ARMH4: variants seen among roughly 807,000 people sequenced by gnomAD.
The protein encoded by ARMH4 is armadillo like helical domain containing 4, also known as armadillo-like helical domain-containing protein 4.
In ARMH4, 49 loss-of-function variants were observed where a neutral mutation model predicts 61.9. That is an observed-to-expected ratio of 0.79 (90% CI 0.63 to 1.00). ARMH4 has a LOEUF of 1.00. ARMH4 is among the 50% of genes least tolerant of loss of function. The pLI, the probability that ARMH4 is intolerant of heterozygous loss-of-function variation, is 0.00. For synonymous variants in ARMH4, 368 were observed against 341.5 expected, an observed-to-expected ratio of 1.08 and a Z score of -0.85; for missense variants, 934 against 930.0, an observed-to-expected ratio of 1.00 and a Z score of -0.06.
chr14:58,046,082 A>C (rs1284920851), intron 5 of ARMH4, among the ~76,000 whole-genome samples: 2 of 152,186 alleles, frequency 1.3e-5, no homozygotes, highest in African/African-American at 2.4e-5. Flanking sequence ...TAAGCCACCC[A>C]GTTTATGGTC....
chr14:58,081,127 A>AAATT (rs1323799037), intron 5 of ARMH4, among the ~76,000 whole-genome samples: 2 of 152,012 alleles, frequency 1.3e-5, no homozygotes, highest in Non-Finnish European at 2.9e-5. Context: ...ATAAATAAAT[A>AAATT]AAGAGTCTCT....
chr14:58,078,889 A>G (rs1251737895), intron 5 of ARMH4, among the ~76,000 whole-genome samples: 1 of 152,234 alleles, frequency 6.6e-6, no homozygotes, highest in African/African-American at 2.4e-5. Flanking sequence ...GTTGAAACAT[A>G]GGCATATGAT....
chr14:58,143,374 G>A (rs1887628250), intron 1 of ARMH4, among the ~76,000 whole-genome samples: 1 of 152,188 alleles, frequency 6.6e-6, no homozygotes, highest in Non-Finnish European at 1.5e-5. Context: ...AATGAGACGG[G>A]TGCTAAGTTT....
At chr14:58,104,214 G>A (rs1340990141) in intron 4 of ARMH4, among the ~76,000 whole-genome samples, 3 of 152,196 alleles carry the variant, frequency 2.0e-5, no homozygotes, top group Non-Finnish European at 2.9e-5. Flanking sequence ...AAATAAAACC[G>A]AGGAGTACTC....
intron 6 of ARMH4, among the ~76,000 whole-genome samples, 196 bp from the exon 7 acceptor site, chr14:58,005,378 G>A (rs1882128402): frequency 2.0e-5 from 3 of 152,058 alleles, no homozygotes; most frequent in Admixed American, 2.0e-4. Flanking sequence ...CCTATTTTGG[G>A]GATATTTCAA....
chr14:58,067,300 G>T (rs545286645), intron 5 of ARMH4, among the ~76,000 whole-genome samples: 1 of 152,278 alleles, frequency 6.6e-6, no homozygotes, highest in South Asian at 2.1e-4. Flanking sequence ...TACTGTTCTA[G>T]AACCAAGGAG....
At chr14:58,144,559 C>A (rs1887672158) in intron 1 of ARMH4, among the ~76,000 whole-genome samples, 1 of 151,892 alleles carries the variant, frequency 6.6e-6, no homozygotes, top group Non-Finnish European at 1.5e-5. Context: ...AACAAACAGA[C>A]AACAACAACA....
At chr14:58,130,314 G>A (rs1009958750) in intron 4 of ARMH4, among the ~76,000 whole-genome samples, 1 of 152,174 alleles carries the variant, frequency 6.6e-6, no homozygotes, top group Admixed American at 6.5e-5. Flanking sequence ...CTCCTAAAAT[G>A]TCATGTTCCT....
At chr14:58,010,664 G>C (rs1375669795) in intron 6 of ARMH4, among the ~76,000 whole-genome samples, 1 of 151,938 alleles carries the variant, frequency 6.6e-6, no homozygotes, top group South Asian at 2.1e-4. Context: ...AAGGTACCAA[G>C]ATTTTGAGAC....
intron 1 of ARMH4, among the ~76,000 whole-genome samples, chr14:58,140,541 A>G (rs1887503244): frequency 6.6e-6 from 1 of 152,020 alleles, no homozygotes; most frequent in African/African-American, 2.4e-5. Context: ...AGATCATGCC[A>G]CTGCACTCCA....
intron 5 of ARMH4, among the ~76,000 whole-genome samples, chr14:58,085,451 A>G (rs561714229): frequency 3.3e-5 from 5 of 152,090 alleles, no homozygotes; most frequent in Non-Finnish European, 7.4e-5. Flanking sequence ...CAAAGAAATT[A>G]GTTCACAGCA....
rs1881999154 is a variant in ARMH4, at chr14:58,001,894, T to C, written c.*2842A>G. 1 of 152,170 alleles carries C rather than the reference T, an allele frequency of 6.6e-6. No homozygotes were observed. The highest frequency in any genetic ancestry group is 1.5e-5 in the Non-Finnish European group (1 of 68,042). The allele number at this position is 152,170 out of a possible 1,614,324, so 9.4% of individuals were successfully genotyped here. On this transcript the variant is annotated 3_prime_UTR_variant, in exon 8 of 8. Transcript: ENST00000267485. ...CCCTGCGGTGGGATGCTGGCAGTTC[T>C]GGCTGGGTAAACTCAGTCCAGTGGG...
At chr14:58,088,083 T>C (rs143918379) in intron 5 of ARMH4, among the ~76,000 whole-genome samples, 68 of 152,308 alleles carry the variant, frequency 4.5e-4, no homozygotes, top group Non-Finnish European at 8.8e-4. Flanking sequence ...AACCTATTTA[T>C]AACCTACGTC....
chr14:58,062,087 C>T (rs1483206031), intron 5 of ARMH4, among the ~76,000 whole-genome samples: 1 of 152,116 alleles, frequency 6.6e-6, no homozygotes, highest in East Asian at 1.9e-4. Flanking sequence ...GCCTGTAATC[C>T]TAGCACTTTG....
intron 4 of ARMH4, among the ~76,000 whole-genome samples, chr14:58,118,920 A>G (rs1190323738): frequency 3.9e-5 from 6 of 152,218 alleles, no homozygotes; most frequent in Admixed American, 6.5e-5. Flanking sequence ...ACCTTAAAAA[A>G]AATCCAGAGG....
chr14:58,113,702 T>G (rs1158068005), intron 4 of ARMH4, among the ~76,000 whole-genome samples: 2 of 152,102 alleles, frequency 1.3e-5, no homozygotes, highest in Non-Finnish European at 1.5e-5. Flanking sequence ...TTCTCTCACT[T>G]GTCTCTTTGT....
chr14:58,041,512 G>A (rs533295146), intron 5 of ARMH4, among the ~76,000 whole-genome samples: 4 of 152,218 alleles, frequency 2.6e-5, no homozygotes, highest in East Asian at 3.9e-4. Flanking sequence ...AAAGACCATC[G>A]ATGCTAGGAA....
chr14:58,104,897 T>A (rs1886119087), intron 4 of ARMH4, among the ~76,000 whole-genome samples: 1 of 152,104 alleles, frequency 6.6e-6, no homozygotes. Flanking sequence ...ATCTAAAGAA[T>A]CACATAGTAA....
intron 5 of ARMH4, among the ~76,000 whole-genome samples, chr14:58,069,237 G>A (rs374571834): frequency 4.7e-4 from 71 of 152,264 alleles, no homozygotes; most frequent in African/African-American, 1.6e-3. Context: ...TTCCACCCAT[G>A]CATGTATGCA....
Sources: gnomAD v4.1 joint callset for allele counts (sites outside exome capture counted in the v4.1 genomes callset) on GRCh38, gnomAD v4.1.1 for gene constraint, MANE v1.5 for transcripts, NCBI Gene and HGNC (gene_info 2026-07-23, HGNC 2026-07-21) for gene names.